Variants in MAGI3 observed in about 807,000 individuals in gnomAD.
The protein encoded by MAGI3 is membrane associated guanylate kinase, WW and PDZ domain containing 3.
Under a neutral mutation model 121.8 loss-of-function variants are expected in MAGI3, and 43 were observed. The ratio of observed to expected loss-of-function variants is 0.35; its 90% CI spans 0.28 to 0.46. The LOEUF (loss-of-function observed/expected upper bound fraction) is 0.46. Ranked by LOEUF, MAGI3 falls within the 20% of genes least tolerant of loss-of-function variation. MAGI3 has a pLI of 1.00. For missense variants in MAGI3, 1,547 were observed against 1,797.3 expected, an observed-to-expected ratio of 0.86 and a Z score of 2.52; for synonymous variants, 553 against 639.3, an observed-to-expected ratio of 0.86 and a Z score of 2.04.
At chr1:113,625,461 T>C (rs1359325350) in intron 9 of MAGI3, among the ~76,000 whole-genome samples, 1 of 152,228 alleles carries the variant, frequency 6.6e-6, no homozygotes, top group East Asian at 1.9e-4. Flanking sequence ...TTTGTGGCTA[T>C]TGTGAATAGG....
At chr1:113,450,284 G>A (rs1654412337) in intron 1 of MAGI3, 26 of 1,590,448 alleles carry the variant, frequency 1.6e-5, no homozygotes, top group Non-Finnish European at 2.2e-5. Context: ...GGTCGTGGAG[G>A]TGGATCTGGC....
chr1:113,446,680 T>A (rs916160695), intron 1 of MAGI3, among the ~76,000 whole-genome samples: 1 of 152,112 alleles, frequency 6.6e-6, no homozygotes, highest in Non-Finnish European at 1.5e-5. Flanking sequence ...AGTGAAAGGA[T>A]TGAAAAAGAT....
rs768759771 is a variant in MAGI3 at position 113,391,264 on chromosome 1, G to T, written c.231G>T (p.Thr77=). Residue 77 remains threonine, a synonymous_variant, in exon 1 of 21, where the codon ACG becomes ACT. Transcript: ENST00000307546. This position sits in a 1 kb window ranked among gnomAD's most constrained non-coding sequence, Gnocchi z 4.4. ...ATGTGCTGCTGGAGGTAAACGGGAC[G>T]CCTGTCAGCGGGCTCACCAACCGGG... ...PGDVLLEVNG[T]PVSGLTNRDT... 2.2e-4 allele frequency: 347 copies of T among 1,585,300 alleles called. No homozygotes were observed. Among genetic ancestry groups the T allele is most frequent in the Non-Finnish European group, 2.9e-4 (339 of 1,166,812 alleles).
chr1:113,592,525 C>A (rs1237290), intron 5 of MAGI3, among the ~76,000 whole-genome samples: 59,299 of 151,920 alleles, frequency 0.39, 13,341 homozygotes, highest in African/African-American at 0.61. Context: ...TGTTGTTGTT[C>A]TTATTGTTGT....
intron 1 of MAGI3, among the ~76,000 whole-genome samples, chr1:113,517,128 A>G (rs568012111): frequency 6.6e-6 from 1 of 151,916 alleles, no homozygotes; most frequent in Admixed American, 6.6e-5. Flanking sequence ...GGGAAAAAAA[A>G]CTTTAGGTAA....
rs1653329988 is a variant in MAGI3, at chr1:113,653,963, A to G, written c.2574A>G (p.Glu858=). ...ATGATGTTGTCTTGCAACGAAAAGA[A>G]AATGAAGGATTTGGCTTTGTCATCC... ...EPYDVVLQRK[E]NEGFGFVILT... is the part of the protein sequence containing the mutation. The change falls in exon 15 of 21, where the codon GAA becomes GAG. Residue 858 remains glutamate, a synonymous_variant. Coordinates refer to ENST00000307546, the MANE Select transcript of MAGI3 (RefSeq NM_001142782.2). The G allele has an allele frequency of 6.2e-7, 1 of 1,613,972 alleles. No homozygotes were observed. The highest frequency in any genetic ancestry group is 8.5e-7 in the Non-Finnish European group (1 of 1,179,938).
intron 12 of MAGI3, among the ~76,000 whole-genome samples, chr1:113,648,850 G>A (rs1177781988): frequency 1.3e-5 from 2 of 152,146 alleles, no homozygotes; most frequent in African/African-American, 4.8e-5. Context: ...AGCAGTGCCT[G>A]TACAGATTTA....
At chr1:113,643,643 G>A (rs765312434) in intron 10 of MAGI3, 100 bp from the exon 11 acceptor site, 75 of 1,041,502 alleles carry the variant, frequency 7.2e-5, no homozygotes, top group Non-Finnish European at 8.9e-5. Flanking sequence ...ATTTACTAGC[G>A]TACTAAAAGT....
At chr1:113,659,699 C>T (rs1050941794) in intron 16 of MAGI3, among the ~76,000 whole-genome samples, 1 of 152,136 alleles carries the variant, frequency 6.6e-6, no homozygotes, top group Non-Finnish European at 1.5e-5. Context: ...GGGCTTTGTT[C>T]TGGGCAGCCG....
Position 113,681,306 on chromosome 1 carries a change from A to G in MAGI3, c.3298A>G (p.Arg1100Gly). 1 of 1,614,140 alleles carries G rather than the reference A, an allele frequency of 6.2e-7. No homozygotes were observed. Among genetic ancestry groups the G allele is most frequent in the Non-Finnish European group, 8.5e-7 (1 of 1,180,002 alleles). Residue 1100 changes from arginine to glycine, a missense_variant, in exon 20 of 21, where the codon AGG becomes GGG. Coordinates refer to ENST00000307546, the MANE Select transcript of MAGI3 (RefSeq NM_001142782.2). ...AGGNKVLLLL[R>G]PGTGLIPDHG... ...TGGAAATAAAGTTCTTCTTCTTTTG[A>G]GGCCAGGAACTGGCTTGATACCTGA...
chr1:113,431,256 T>TA (rs2101420042), intron 1 of MAGI3, among the ~76,000 whole-genome samples: 1 of 152,336 alleles, frequency 6.6e-6, no homozygotes, highest in African/African-American at 2.4e-5. Flanking sequence ...AGTTCGAAGT[T>TA]ACGGTGAGCT....
In MAGI3 at chr1:113,683,947, G is replaced by A. The variant is rs745629495; in HGVS notation, c.4379G>A (p.Gly1460Glu). The change falls in exon 21 of 21, where the codon GGG (glycine) becomes GAG (glutamate). Residue 1460 changes from glycine to glutamate, a missense_variant. Physicochemically the swap from Gly to Glu is moderately conservative, Grantham distance 98. Coordinates refer to ENST00000307546, the MANE Select transcript of MAGI3 (RefSeq NM_001142782.2). ...GTTAAGAAAACACTGATAACTCCAG[G>A]GCCCTGGAAGGTTCCAAGTGGAAAT... ...SPVKKTLITP[G>E]PWKVPSGNKV... 6.2e-7 allele frequency: 1 copy of A among 1,605,828 alleles called. No homozygotes were observed. The highest frequency in any genetic ancestry group is 8.5e-7 in the Non-Finnish European group (1 of 1,176,878).
chr1:113,411,756 G>A (rs1382951668), intron 1 of MAGI3, among the ~76,000 whole-genome samples: 1 of 150,642 alleles, frequency 6.6e-6, no homozygotes, highest in Non-Finnish European at 1.5e-5. Context: ...TTGGAGACCA[G>A]TATAGCACAA....
chr1:113,586,852 A>G (rs1113523), intron 4 of MAGI3, among the ~76,000 whole-genome samples: 112,204 of 152,086 alleles, frequency 0.74, 41,932 homozygotes, highest in African/African-American at 0.78. Context: ...CAGTTCTTTT[A>G]GCGGTAAACT....
chr1:113,478,081 G>A (rs1356881219), intron 1 of MAGI3, among the ~76,000 whole-genome samples: 1 of 152,116 alleles, frequency 6.6e-6, no homozygotes, highest in Non-Finnish European at 1.5e-5. Flanking sequence ...GCTCCATCAG[G>A]TCATTTAAGG....
rs534166052 is a variant in MAGI3, at chr1:113,649,411, G to GT, written c.2247+92dup. On this transcript the variant is annotated intron_variant, in intron 13 of 20. Coordinates refer to ENST00000307546, the MANE Select transcript of MAGI3 (RefSeq NM_001142782.2). ...TTTGGTGGATTATGGTGTGTTTTAA[G>GT]TTTTTTTTTCTCTGACAGTTTCATT... 1,878 of 877,338 alleles carry GT rather than the reference G, an allele frequency of 2.1e-3. 1 individual carries two copies. The highest frequency in any genetic ancestry group is 3.7e-3 in the South Asian group (180 of 48,952). 54.3% of individuals were successfully genotyped at this position (877,338 alleles called of 1,614,324 possible).
In MAGI3 at chr1:113,391,197, G is replaced by A; in HGVS notation, c.164G>A (p.Gly55Asp). ...LGRLREEPGG[G>D]TCCVVSGKAP... Reference sequence around the variant, plus strand: ...CGGCTCCGCGAGGAGCCCGGCGGGGGCACCTGCTGCGTCGTCTCGGGCAAG... The same window carrying A: ...CGGCTCCGCGAGGAGCCCGGCGGGGACACCTGCTGCGTCGTCTCGGGCAAG... The change falls in exon 1 of 21, where the codon GGC (glycine) becomes GAC (aspartate). Residue 55 changes from glycine (G) to aspartate (D), a missense_variant. Transcript: ENST00000307546. This position sits in a 1 kb window ranked among gnomAD's most constrained non-coding sequence, Gnocchi z 4.4. 2 of 1,551,842 alleles carry A rather than the reference G, an allele frequency of 1.3e-6. No individual in the cohort carries two copies. The highest frequency in any genetic ancestry group is 1.2e-5 in the South Asian group (1 of 84,102).
At position 113,683,590 on chromosome 1, in the gene MAGI3, C is replaced by G; in HGVS notation, c.4022C>G (p.Ala1341Gly). The G allele has an allele frequency of 6.2e-7, 1 of 1,613,642 alleles. No individual in the cohort carries two copies. Among genetic ancestry groups the G allele is most frequent in the Non-Finnish European group, 8.5e-7 (1 of 1,179,838 alleles). Residue 1341 changes from alanine (A) to glycine (G), a missense_variant, in exon 21 of 21, where the codon GCA becomes GGA. Coordinates refer to ENST00000307546, the MANE Select transcript of MAGI3 (RefSeq NM_001142782.2). ...KEKSDVIRKDAKQNQLEKSRT... is the reference protein window; with the variant it reads ...KEKSDVIRKDGKQNQLEKSRT... ...AAATCAGACGTCATCAGGAAAGATGCAAAGCAGAATCAGTTGGAAAAAAGC... is the reference window on the plus strand; with the variant it reads ...AAATCAGACGTCATCAGGAAAGATGGAAAGCAGAATCAGTTGGAAAAAAGC...
intron 6 of MAGI3, among the ~76,000 whole-genome samples, chr1:113,609,366 C>G (rs565290154): frequency 2.0e-5 from 3 of 152,246 alleles, no homozygotes; most frequent in African/African-American, 7.2e-5. Flanking sequence ...TAAAACATGC[C>G]CTTTTCTTCC....
Sources: allele counts gnomAD v4.1 joint callset (sites outside exome capture counted in the v4.1 genomes callset), GRCh38; gene constraint gnomAD v4.1.1; non-coding constraint Gnocchi (gnomAD v3.1); transcripts MANE v1.5; gene names NCBI Gene and HGNC (gene_info 2026-07-23, HGNC 2026-07-21).